Variants in RAD54B observed in about 807,000 individuals in gnomAD.
The protein encoded by RAD54B is DNA repair and recombination protein RAD54B.
In RAD54B, 78 loss-of-function variants were observed where a neutral mutation model predicts 95.8. The ratio of observed to expected loss-of-function variants is 0.81; its 90% confidence interval spans 0.68 to 0.98. The LOEUF is 0.98. Among genes scored for constraint, RAD54B ranks in the 50% least tolerant of loss-of-function variants. The pLI is 0.00. For missense variants in RAD54B, 957 were observed against 1,056.6 expected, an observed-to-expected ratio of 0.91 and a Z score of 1.31; for synonymous variants, 328 against 354.9, an observed-to-expected ratio of 0.92 and a Z score of 0.85.
intron 3 of RAD54B, among the ~76,000 whole-genome samples, chr8:94,434,667 G>C (rs932214696): frequency 4.1e-5 from 6 of 146,012 alleles, no homozygotes; most frequent in Admixed American, 6.7e-5. Context: ...ATTCAAGGAT[G>C]ATATCAATCA....
intron 3 of RAD54B, among the ~76,000 whole-genome samples, chr8:94,434,830 G>T (rs999101463): frequency 6.6e-6 from 1 of 151,328 alleles, no homozygotes; most frequent in African/African-American, 2.4e-5. Flanking sequence ...TAAGCCATAG[G>T]TATAGAAATG....
At chr8:94,407,802 C>A in intron 4 of RAD54B, 82 bp from the exon 5 acceptor site, 1 of 1,195,592 alleles carries the variant, frequency 8.4e-7, no homozygotes, top group South Asian at 1.6e-5. Flanking sequence ...AAAAACTGCA[C>A]TTTGAATGTA....
At chr8:94,472,002 C>T (rs1440476897) in intron 1 of RAD54B, among the ~76,000 whole-genome samples, 1 of 152,024 alleles carries the variant, frequency 6.6e-6, no homozygotes. Context: ...GATGGTTAGA[C>T]ATTTCCCAAT....
intron 3 of RAD54B, among the ~76,000 whole-genome samples, chr8:94,446,668 A>T (rs925685858): frequency 6.6e-6 from 1 of 152,098 alleles, no homozygotes; most frequent in African/African-American, 2.4e-5. Flanking sequence ...CCTGAAGTAC[A>T]CTGCACTTCA....
chr8:94,429,019 A>G, intron 3 of RAD54B: 2 of 983,466 alleles, frequency 2.0e-6, no homozygotes, highest in Non-Finnish European at 2.4e-6. Flanking sequence ...GAGGTAGACA[A>G]TGAGGAGAAT....
chr8:94,386,857 C>A, intron 11 of RAD54B, 127 bp downstream of exon 11: 1 of 646,536 alleles, frequency 1.5e-6, no homozygotes, highest in Non-Finnish European at 2.3e-6. Context: ...TAGAAGCTAA[C>A]CATATTCCCA....
At chr8:94,428,306 C>A (rs1283728643) in intron 3 of RAD54B, 1 of 982,712 alleles carries the variant, frequency 1.0e-6, no homozygotes, top group African/African-American at 1.7e-5. Context: ...AGCTCATGGA[C>A]CCCAAACAAT....
At chr8:94,448,593 T>G (rs1172905441) in intron 3 of RAD54B, among the ~76,000 whole-genome samples, 1 of 151,784 alleles carries the variant, frequency 6.6e-6, no homozygotes, top group East Asian at 1.9e-4. Flanking sequence ...CTCTGTCATT[T>G]GCCACAACAT....
At chr8:94,412,591 G>A (rs899610280) in intron 3 of RAD54B, among the ~76,000 whole-genome samples, 2 of 151,956 alleles carry the variant, frequency 1.3e-5, no homozygotes, top group African/African-American at 2.4e-5. Context: ...TCTCATTCCC[G>A]CCATTACTGA....
intron 3 of RAD54B, chr8:94,427,668 T>C: frequency 5.2e-6 from 5 of 968,724 alleles, no homozygotes; most frequent in Non-Finnish European, 6.1e-6. Flanking sequence ...ACCTCTACAG[T>C]ACTGAATTAT....
intron 3 of RAD54B, chr8:94,430,202 T>C (rs1812053802): frequency 1.5e-6 from 1 of 653,588 alleles, no homozygotes; most frequent in African/African-American, 2.0e-5. Flanking sequence ...TCCCAGCTAC[T>C]TGGGAAGCTG....
intron 3 of RAD54B, among the ~76,000 whole-genome samples, chr8:94,457,031 G>A (rs1006079201): frequency 6.6e-6 from 1 of 152,148 alleles, no homozygotes; most frequent in African/African-American, 2.4e-5. Flanking sequence ...GGAAGAGAAT[G>A]AGAAACTATG....
chr8:94,430,914 T>A, intron 3 of RAD54B: 1 of 985,398 alleles, frequency 1.0e-6, no homozygotes, highest in Non-Finnish European at 1.2e-6. Context: ...ATCAATGGCT[T>A]AGCACTGCAT....
rs1470834734 is a variant in RAD54B, at chr8:94,391,840, A to G, written c.1578T>C (p.Phe526=). ...AAELTCLTGL[F]ILRRTQEIIN... The stretch of plus-strand genomic sequence containing the variant: ...TAATTTCTTGGGTTCTTCTAAGGAT[A>G]AAGAGTCCAGTGAGGCAAGTAAGTT... Residue 526 remains phenylalanine (F), a synonymous_variant, in exon 10 of 15, where the codon TTT becomes TTC. Transcript: ENST00000336148. 1.2e-6 allele frequency: 2 copies of G among 1,613,902 alleles called. No individual in the cohort carries two copies. The highest frequency in any genetic ancestry group is 4.5e-5 in the East Asian group (2 of 44,866).
intron 2 of RAD54B, among the ~76,000 whole-genome samples, chr8:94,465,632 A>G (rs1183418560): frequency 6.6e-6 from 1 of 152,226 alleles, no homozygotes; most frequent in African/African-American, 2.4e-5. Flanking sequence ...CAGAATTACC[A>G]TAATACCCAG....
chr8:94,400,564 A>G (rs184340518), intron 6 of RAD54B, 101 bp from the exon 7 acceptor site: 25 of 928,302 alleles, frequency 2.7e-5, no homozygotes, highest in Non-Finnish European at 3.8e-5. Flanking sequence ...ATGACACTGA[A>G]GACTTTTAGT....
At chr8:94,431,562 T>A in intron 3 of RAD54B, 1 of 949,166 alleles carries the variant, frequency 1.1e-6, no homozygotes, top group South Asian at 4.9e-5. Context: ...ATAGCTTTGT[T>A]ACCCTAAGTA....
At chr8:94,445,010 A>G (rs1263733385) in intron 3 of RAD54B, among the ~76,000 whole-genome samples, 1 of 152,192 alleles carries the variant, frequency 6.6e-6, no homozygotes, top group African/African-American at 2.4e-5. Context: ...ATGACCAACT[A>G]TCTTAGCCTG....
intron 3 of RAD54B, among the ~76,000 whole-genome samples, chr8:94,418,623 C>A (rs1195906337): frequency 6.6e-6 from 1 of 152,078 alleles, no homozygotes; most frequent in Non-Finnish European, 1.5e-5. Context: ...TACTCACACC[C>A]TCCCCTTACC....
Sources: gnomAD v4.1 joint callset for allele counts (sites outside exome capture counted in the v4.1 genomes callset) on GRCh38, gnomAD v4.1.1 for gene constraint, MANE v1.5 for transcripts, NCBI Gene and HGNC (gene_info 2026-07-23, HGNC 2026-07-21) for gene names.